Variants in FCHSD2 observed in about 807,000 individuals in gnomAD.
FCHSD2 encodes the protein F-BAR and double SH3 domains protein 2.
Under a neutral mutation model 108.1 loss-of-function variants are expected in FCHSD2, and 38 were observed. The ratio of observed to expected loss-of-function variants is 0.35; its 90% CI spans 0.27 to 0.46. The LOEUF (loss-of-function observed/expected upper bound fraction) is 0.46. FCHSD2 is among the 20% of genes least tolerant of loss of function. The pLI is 1.00. For missense variants in FCHSD2, 751 were observed against 897.8 expected (o/e 0.84, Z 2.09); for synonymous variants, 279 against 314.7 (o/e 0.89, Z 1.20).
At chr11:72,843,727 T>C (rs1034447360) in intron 14 of FCHSD2, 195 bp from the exon 15 acceptor site, 2 of 560,358 alleles carry the variant, frequency 3.6e-6, no homozygotes, top group South Asian at 2.5e-5. Flanking sequence ...AATAAAACCA[T>C]AACAAAAACT....
intron 2 of FCHSD2, among the ~76,000 whole-genome samples, chr11:73,135,170 T>C (rs1033304449): frequency 1.3e-5 from 2 of 152,210 alleles, no homozygotes; most frequent in Non-Finnish European, 2.9e-5. Context: ...TAATATATTA[T>C]ACTTTTTGAT....
At chr11:72,907,433 C>T (rs1855652450) in intron 9 of FCHSD2, among the ~76,000 whole-genome samples, 1 of 151,990 alleles carries the variant, frequency 6.6e-6, no homozygotes, top group Non-Finnish European at 1.5e-5. Flanking sequence ...GGAATGCTTC[C>T]AGTTTTTGCC....
intron 10 of FCHSD2, among the ~76,000 whole-genome samples, chr11:72,900,600 T>C (rs1855507419): frequency 6.6e-6 from 1 of 151,956 alleles, no homozygotes; most frequent in Admixed American, 6.6e-5. Context: ...AATGCTCTGC[T>C]TCATCCCTCC....
intron 3 of FCHSD2, among the ~76,000 whole-genome samples, chr11:73,042,813 G>A (rs555770234): frequency 2.2e-4 from 33 of 151,730 alleles, no homozygotes; most frequent in African/African-American, 7.5e-4. Flanking sequence ...CTTTTTTCTA[G>A]CTATTATAAA....
intron 2 of FCHSD2, among the ~76,000 whole-genome samples, chr11:73,098,694 G>A (rs1381173284): frequency 6.6e-6 from 1 of 152,022 alleles, no homozygotes; most frequent in Non-Finnish European, 1.5e-5. Context: ...TCAACAAATG[G>A]TGCCAAGACA....
Position 72,916,123 on chromosome 11 carries a change from T to TA in FCHSD2, c.828+5704dup, listed in dbSNP as rs199843128. Among the ~76,000 whole-genome samples, 823 of 152,060 alleles carry TA rather than the reference T, an allele frequency of 5.4e-3. 4 individuals are homozygous for TA. The highest frequency in any genetic ancestry group is 0.014 in the South Asian group (68 of 4,818). On this transcript the variant is annotated intron_variant, in intron 9 of 19. Transcript: ENST00000409418. ...AATAACTAATGGGTACTAGGCTTAA[T>TA]ACGTGGGTGATAAAATAATGTGTAC...
In FCHSD2 at chr11:72,889,736, T is replaced by C. The variant is rs143461020; in HGVS notation, c.1041+93A>G. ...CTCAAATAAAACAAAACAACACATA[T>C]AGGATATTTTTCACATTAATAAAAC... On this transcript the variant is annotated intron_variant, in intron 11 of 19. Transcript: ENST00000409418. 801 of 715,362 alleles carry C rather than the reference T, an allele frequency of 1.1e-3. 2 individuals carry two copies. Among genetic ancestry groups the C allele is most frequent in the Non-Finnish European group, 1.7e-3 (695 of 409,816 alleles). 44.3% of individuals were successfully genotyped at this position (715,362 alleles called of 1,614,324 possible).
chr11:72,882,654 A>G (rs1355590823), intron 12 of FCHSD2, among the ~76,000 whole-genome samples: 3 of 152,230 alleles, frequency 2.0e-5, no homozygotes, highest in Non-Finnish European at 4.4e-5. Context: ...CATCTCATAA[A>G]TATGTACAAT....
intron 2 of FCHSD2, among the ~76,000 whole-genome samples, chr11:73,119,691 C>A (rs776544086): frequency 2.0e-5 from 3 of 152,172 alleles, no homozygotes; most frequent in Non-Finnish European, 2.9e-5. Flanking sequence ...AAGTGATCCT[C>A]CCACCTTGGC....
chr11:72,990,280 C>T (rs950489825), intron 5 of FCHSD2, among the ~76,000 whole-genome samples: 1 of 152,150 alleles, frequency 6.6e-6, no homozygotes, highest in African/African-American at 2.4e-5. Flanking sequence ...ACAATGTCAG[C>T]TGTGTTATTA....
intron 8 of FCHSD2, among the ~76,000 whole-genome samples, chr11:72,972,229 G>C (rs1171439444): frequency 6.6e-6 from 1 of 152,076 alleles, no homozygotes; most frequent in Non-Finnish European, 1.5e-5. Flanking sequence ...TCAATTACCT[G>C]TTAGACCTGT....
chr11:73,120,937 C>T (rs972240834), intron 2 of FCHSD2, among the ~76,000 whole-genome samples: 2 of 151,726 alleles, frequency 1.3e-5, no homozygotes, highest in East Asian at 1.9e-4. Context: ...AGGCTCCCCA[C>T]GAAATCTAAT....
chr11:73,036,741 C>G (rs916230557), intron 3 of FCHSD2, among the ~76,000 whole-genome samples: 3 of 152,174 alleles, frequency 2.0e-5, no homozygotes, highest in African/African-American at 7.2e-5. Flanking sequence ...CTACTATATA[C>G]AAGGTACTAA....
intron 13 of FCHSD2, 73 bp downstream of exon 13, chr11:72,867,792 T>C (rs925067156): frequency 2.2e-6 from 3 of 1,377,138 alleles, no homozygotes. Context: ...TTGGCTATTA[T>C]TAAGTTTGAC....
rs938118192 is a variant in FCHSD2 at position 73,045,184 on chromosome 11, C to A, written c.166-29299G>T. On this transcript the variant is annotated intron_variant, in intron 3 of 19. Coordinates refer to ENST00000409418, the MANE Select transcript of FCHSD2 (RefSeq NM_014824.3). ...ATGAAAAAATGCTCATCATCACTGG[C>A]CATCAGAGAAATGCAAATTAAAACC... is the stretch of plus-strand genomic sequence containing the variant. 4.6e-5 allele frequency among the ~76,000 whole-genome samples: 7 copies of A among 152,056 alleles called. No homozygotes were observed. In the South Asian group the frequency reaches 1.0e-3, roughly 23 times the overall value.
At chr11:72,991,765 A>G (rs1857419983) in intron 5 of FCHSD2, among the ~76,000 whole-genome samples, 1 of 152,224 alleles carries the variant, frequency 6.6e-6, no homozygotes, top group African/African-American at 2.4e-5. Flanking sequence ...GTATCTCAAA[A>G]TAATAAGAAC....
At chr11:72,998,984 T>G (rs757543331) in intron 5 of FCHSD2, among the ~76,000 whole-genome samples, 2 of 152,162 alleles carry the variant, frequency 1.3e-5, no homozygotes, top group Non-Finnish European at 2.9e-5. Flanking sequence ...GGGGTCACCA[T>G]GTGGAGAGAG....
At chr11:73,067,270 G>T (rs1331256482) in intron 3 of FCHSD2, among the ~76,000 whole-genome samples, 1 of 152,098 alleles carries the variant, frequency 6.6e-6, no homozygotes, top group Non-Finnish European at 1.5e-5. Flanking sequence ...TCATAAGTGG[G>T]AGTTGAACAA....
intron 3 of FCHSD2, among the ~76,000 whole-genome samples, chr11:73,039,740 T>A (rs1398849114): frequency 6.6e-6 from 1 of 152,216 alleles, no homozygotes; most frequent in Non-Finnish European, 1.5e-5. Context: ...ATGCAGGACT[T>A]GTTCTTACAT....
Sources: gnomAD v4.1 joint callset for allele counts (sites outside exome capture counted in the v4.1 genomes callset) on GRCh38, gnomAD v4.1.1 for gene constraint, MANE v1.5 for transcripts, NCBI Gene and HGNC (gene_info 2026-07-23, HGNC 2026-07-21) for gene names.